Variants in ERCC1 observed in about 807,000 individuals in gnomAD.
ERCC1 encodes DNA excision repair protein ERCC-1.
A neutral mutation model predicts 37.6 loss-of-function variants in ERCC1; 36 were observed. The observed-to-expected ratio is 0.96, with a 90% confidence interval of 0.73 to 1.26. The LOEUF is 1.26. Among genes scored for constraint, ERCC1 ranks in the 50% most tolerant of loss-of-function variants. The pLI is 0.00. For synonymous variants in ERCC1, 156 were observed against 162.1 expected (o/e 0.96, Z 0.28); for missense variants, 349 against 376.5 (o/e 0.93, Z 0.60).
At chr19:45,429,226 C>G (rs936885350) in intron 1 of ERCC1, 2 of 152,270 alleles carry the variant, frequency 1.3e-5, no homozygotes, top group Admixed American at 6.6e-5. Flanking sequence ...TTTGAGAAGC[C>G]GAGGAGGGCA....
At chr19:45,450,822 C>CG (rs1967092634) in intron 1 of ERCC1, 1 of 148,110 alleles carries the variant, frequency 6.8e-6, no homozygotes, top group South Asian at 2.2e-4. Context: ...CGGCGTTGCC[C>CG]GGCAGCGCCG....
intron 2 of ERCC1, among the ~76,000 whole-genome samples, chr19:45,421,666 C>T (rs1487108037): frequency 1.3e-5 from 2 of 148,768 alleles, no homozygotes; most frequent in Non-Finnish European, 3.0e-5. Flanking sequence ...TGGAGTCTTG[C>T]TCTGTCACCC....
intron 1 of ERCC1, among the ~76,000 whole-genome samples, chr19:45,442,789 G>A (rs1975154859): frequency 6.6e-6 from 1 of 152,180 alleles, no homozygotes; most frequent in Non-Finnish European, 1.5e-5. Flanking sequence ...ACCTTCTGAT[G>A]GAGGGCTTGG....
At chr19:45,433,620 A>T (rs12610995) in intron 1 of ERCC1, among the ~76,000 whole-genome samples, 2 of 151,470 alleles carry the variant, frequency 1.3e-5, no homozygotes, top group South Asian at 4.2e-4. Context: ...CCCGGGAGAC[A>T]GAGGTTGCAG....
intron 9 of ERCC1, among the ~76,000 whole-genome samples, chr19:45,411,120 A>T (rs1973711263): frequency 6.6e-6 from 1 of 152,084 alleles, no homozygotes; most frequent in African/African-American, 2.4e-5. Context: ...CACCGCGCCC[A>T]GCCAGGATCT....
At chr19:45,416,738 G>C (rs1452894129) in intron 6 of ERCC1, 83 bp downstream of exon 6, 2 of 1,026,478 alleles carry the variant, frequency 1.9e-6, no homozygotes, top group Non-Finnish European at 3.0e-6. Context: ...GAAGGAGAAG[G>C]GAAGGGCTGG....
intron 1 of ERCC1, among the ~76,000 whole-genome samples, chr19:45,437,902 TCTCATCTGA>T (rs1199101030): frequency 1.4e-5 from 2 of 147,956 alleles, no homozygotes; most frequent in African/African-American, 5.3e-5. Context: ...CACTACGTGT[TCTCATCTGA>T]TTTTTTTTTT....
chr19:45,444,496 G>A (rs1435046819), intron 1 of ERCC1, among the ~76,000 whole-genome samples: 2 of 152,136 alleles, frequency 1.3e-5, no homozygotes, highest in African/African-American at 4.8e-5. Context: ...CGGTCAGGAG[G>A]CCACCGGGCC....
At chr19:45,413,425 A>C (rs1973857761) in intron 9 of ERCC1, 1 of 697,066 alleles carries the variant, frequency 1.4e-6, no homozygotes, top group South Asian at 1.7e-5. Context: ...TAGCAAGCTC[A>C]CACCACCATG....
rs377364364 is a variant in ERCC1, at chr19:45,408,773, G to T, written c.*902C>A. The stretch of plus-strand genomic sequence containing the variant: ...AACCTTCGAGCCAGAAGACAAGACA[G>T]TGAAGCAGGAACAGATTAACACTGA... On this transcript the variant is annotated 3_prime_UTR_variant, in exon 10 of 10. Coordinates refer to ENST00000300853, the MANE Select transcript of ERCC1 (RefSeq NM_001983.4). 2 of 1,613,942 alleles carry T rather than the reference G, an allele frequency of 1.2e-6. No homozygotes were observed. The highest frequency in any genetic ancestry group is 1.3e-5 in the African/African-American group (1 of 74,944).
chr19:45,450,220 C>G lies in ERCC1; in HGVS notation c.-7-26839G>C, dbSNP rs141051055. Among the ~76,000 whole-genome samples the G allele has an allele frequency of 5.9e-5, 9 of 152,256 alleles. No individual in the cohort carries two copies. The East Asian group carries it at 1.7e-3, about 29-fold the overall frequency. ...GCCCTGTATCTCTATCACCTACTCCCATGCATACAGGTCCACAAGCATGCC... is the reference window on the plus strand; with the variant it reads ...GCCCTGTATCTCTATCACCTACTCCGATGCATACAGGTCCACAAGCATGCC... On this transcript the variant is annotated intron_variant, in intron 1 of 8. Coordinates refer to the ERCC1 transcript ENST00000423698.
chr19:45,414,242 G>A (rs1247834289), intron 7 of ERCC1: 6 of 606,248 alleles, frequency 9.9e-6, no homozygotes, highest in African/African-American at 3.7e-5. Context: ...TTTCGAGGCC[G>A]AGGCGGGAGG....
rs758678901 is a variant in ERCC1, at chr19:45,420,440, G to A, written c.322-13C>T. 41 of 1,556,088 alleles carry A rather than the reference G, an allele frequency of 2.6e-5. No individual in the cohort carries two copies. The highest frequency in any genetic ancestry group is 5.5e-5 in the African/African-American group (4 of 72,876). ...CGGGATTGCCCCTCTGGGGAGGGAC[G>A]AAGGGCAGAAGCCATCAATAGGGAT... On this transcript the variant is annotated splice_polypyrimidine_tract_variant and intron_variant, in intron 3 of 9. Coordinates refer to ENST00000300853, the MANE Select transcript of ERCC1 (RefSeq NM_001983.4). The surrounding 1 kb of genome is among the most constrained non-coding windows in gnomAD (Gnocchi z 4.8).
chr19:45,434,165 A>C (rs879629713), intron 1 of ERCC1, among the ~76,000 whole-genome samples: 2,390 of 131,924 alleles, frequency 0.018, 32 homozygotes, highest in South Asian at 0.064. Context: ...CAAAAAAAAA[A>C]AAAAAAAAAA....
At chr19:45,417,810 C>G (rs752923539) in intron 5 of ERCC1, among the ~76,000 whole-genome samples, 3 of 152,116 alleles carry the variant, frequency 2.0e-5, no homozygotes, top group Non-Finnish European at 2.9e-5. Context: ...AGCAATTCTC[C>G]TGCCTCAGCC....
Position 45,407,750 on chromosome 19 carries a change from C to G in ERCC1, c.*1925G>C, listed in dbSNP as rs1324112110. 1 of 252,232 alleles carries G rather than the reference C, an allele frequency of 4.0e-6. No homozygotes were observed. The highest frequency in any genetic ancestry group is 5.1e-5 in the Admixed American group (1 of 19,650). The allele number at this position is 252,232 out of a possible 1,614,324, so 15.6% of individuals were successfully genotyped here. Reference sequence around the variant, plus strand: ...CACTTTAAGATGGAGTCACTCTAGTCATGTTTTATTAAAAACCAGAGGCCA... The same window carrying G: ...CACTTTAAGATGGAGTCACTCTAGTGATGTTTTATTAAAAACCAGAGGCCA... On this transcript the variant is annotated 3_prime_UTR_variant, in exon 10 of 10. Coordinates refer to ENST00000300853, the MANE Select transcript of ERCC1 (RefSeq NM_001983.4).
intron 1 of ERCC1, among the ~76,000 whole-genome samples, chr19:45,441,559 G>C (rs1445539424): frequency 2.0e-5 from 3 of 152,124 alleles, no homozygotes; most frequent in Non-Finnish European, 4.4e-5. Flanking sequence ...TTTTTTTGTA[G>C]AGACGGGGTT....
intron 1 of ERCC1, among the ~76,000 whole-genome samples, chr19:45,444,136 A>C (rs1599866099): frequency 1.5e-5 from 2 of 135,680 alleles, no homozygotes; most frequent in African/African-American, 2.8e-5. Flanking sequence ...CCCCCGACTC[A>C]CCCGCTTCCC....
At chr19:45,434,762 T>C (rs9749017) in intron 1 of ERCC1, among the ~76,000 whole-genome samples, 1 of 151,600 alleles carries the variant, frequency 6.6e-6, no homozygotes, top group East Asian at 1.9e-4. Flanking sequence ...TTTTTAAAAA[T>C]TTTTTTATTT....
Sources: gnomAD v4.1 joint callset for allele counts (sites outside exome capture counted in the v4.1 genomes callset) on GRCh38, gnomAD v4.1.1 for gene constraint, Gnocchi (gnomAD v3.1) non-coding constraint, MANE v1.5 for transcripts, NCBI Gene and HGNC (gene_info 2026-07-23, HGNC 2026-07-21) for gene names.